The following TBXAS1 variants were observed in gnomAD, a reference collection of about 807,000 sequenced individuals.
TBXAS1 encodes the protein thromboxane A synthase 1.
In TBXAS1, 48 loss-of-function variants were observed where a neutral mutation model predicts 60.7. That is an observed-to-expected ratio of 0.79 (90% CI 0.63 to 1.01). The LOEUF (loss-of-function observed/expected upper bound fraction) is 1.01. Ranked by LOEUF, TBXAS1 falls within the 50% of genes least tolerant of loss-of-function variation. The probability of loss-of-function intolerance (pLI) is 0.00; values close to 1 mark genes in which losing one functional copy is unlikely to be tolerated. For missense variants in TBXAS1, 685 were observed against 686.3 expected (o/e 1.00, Z 0.02); for synonymous variants, 287 against 269.7 (o/e 1.06, Z -0.63).
At position 139,999,110 on chromosome 7, in the gene TBXAS1, C is replaced by G. The variant is rs1375823225; in HGVS notation, c.1135-7981C>G. Among the ~76,000 whole-genome samples, 1 of 152,226 alleles carries G rather than the reference C, an allele frequency of 6.6e-6. No individual in the cohort carries two copies. Among genetic ancestry groups the G allele is most frequent in the Non-Finnish European group, 1.5e-5 (1 of 68,044 alleles). On this transcript the variant is annotated intron_variant, in intron 9 of 12. Transcript: ENST00000448866. This position sits in a 1 kb window ranked among gnomAD's most constrained non-coding sequence, Gnocchi z 4.3. ...CCCCCTCTCATAACCAAACCTCCAT[C>G]GTATCTCCCTGCAAGCCTTGAAACT...
intron 3 of TBXAS1, among the ~76,000 whole-genome samples, chr7:139,785,104 A>G (rs1797145334): frequency 6.6e-6 from 1 of 152,208 alleles, no homozygotes; most frequent in African/African-American, 2.4e-5. Flanking sequence ...TACACAAAGC[A>G]GTTCCATAAC....
At chr7:139,934,892 A>G (rs914508400) in intron 4 of TBXAS1, among the ~76,000 whole-genome samples, 4 of 152,128 alleles carry the variant, frequency 2.6e-5, no homozygotes, top group Admixed American at 2.0e-4. Flanking sequence ...AGCTCACTGC[A>G]ACCTCCGCCT....
rs181307717 is a variant in TBXAS1, at chr7:139,848,209, G to A, written c.89+18730G>A. Among the ~76,000 whole-genome samples the A allele has an allele frequency of 1.2e-3, 189 of 151,850 alleles. No homozygotes were observed. The East Asian group carries it at 0.031, about 25-fold the overall frequency. On this transcript the variant is annotated intron_variant, in intron 1 of 12. Coordinates refer to ENST00000448866, the MANE Select transcript of TBXAS1 (RefSeq NM_001061.7). ...TATGTTGCCCAGGCTGGTCTTAAACGCCTGAGGTCAAATGATCCTCCCACC... is the reference window on the plus strand; with the variant it reads ...TATGTTGCCCAGGCTGGTCTTAAACACCTGAGGTCAAATGATCCTCCCACC...
intron 1 of TBXAS1, among the ~76,000 whole-genome samples, chr7:139,871,072 TAAAG>T (rs1801789259): frequency 1.3e-5 from 2 of 152,046 alleles, no homozygotes. Flanking sequence ...CAGAAATAAA[TAAAG>T]AAATAAATAG....
intron 5 of TBXAS1, chr7:139,952,438 T>C: frequency 3.1e-6 from 4 of 1,285,642 alleles, no homozygotes; most frequent in Non-Finnish European, 4.1e-6. Flanking sequence ...ATAGGTTACA[T>C]TTTATGTCTT....
chr7:139,865,441 C>G (rs562382631), intron 1 of TBXAS1, among the ~76,000 whole-genome samples: 35 of 152,122 alleles, frequency 2.3e-4, no homozygotes, highest in African/African-American at 8.2e-4. Flanking sequence ...CTCTTCACAC[C>G]CAGATATGTG....
chr7:139,841,199 C>T (rs192855927), intron 1 of TBXAS1, among the ~76,000 whole-genome samples: 53 of 152,338 alleles, frequency 3.5e-4, no homozygotes, highest in Non-Finnish European at 5.7e-4. Flanking sequence ...CCGGCCTGGC[C>T]TCTAGGCCTT....
intron 3 of TBXAS1, among the ~76,000 whole-genome samples, chr7:139,907,073 G>A (rs1347133340): frequency 1.3e-5 from 2 of 152,062 alleles, no homozygotes; most frequent in African/African-American, 2.4e-5. Flanking sequence ...CCAATACTAT[G>A]TCAAACAAGA....
intron 1 of TBXAS1, 47 bp downstream of exon 1, chr7:139,829,526 C>T: frequency 6.4e-7 from 1 of 1,569,892 alleles, no homozygotes; most frequent in Non-Finnish European, 8.7e-7. Flanking sequence ...AGCCGTCTCA[C>T]CCTGGAGCCT....
At chr7:139,928,512 C>T (rs1198120636) in intron 4 of TBXAS1, among the ~76,000 whole-genome samples, 5 of 152,186 alleles carry the variant, frequency 3.3e-5, no homozygotes, top group Admixed American at 3.3e-4. Flanking sequence ...AATCGTGACT[C>T]TGTGCACATT....
At chr7:139,990,954 A>G (rs1221726217) in intron 9 of TBXAS1, among the ~76,000 whole-genome samples, 3 of 152,164 alleles carry the variant, frequency 2.0e-5, no homozygotes, top group Non-Finnish European at 4.4e-5. Flanking sequence ...CAGAGGCAGC[A>G]GGACATTGCA....
chr7:139,893,650 A>G (rs1274194894), intron 3 of TBXAS1, among the ~76,000 whole-genome samples: 1 of 152,192 alleles, frequency 6.6e-6, no homozygotes, highest in East Asian at 1.9e-4. Flanking sequence ...CATTTGCACC[A>G]AGAACAGTAA....
At chr7:139,816,033 G>C (rs1798138413) in intron 4 of TBXAS1, among the ~76,000 whole-genome samples, 1 of 152,146 alleles carries the variant, frequency 6.6e-6, no homozygotes, top group Non-Finnish European at 1.5e-5. Context: ...CATCGTGGGA[G>C]CAGTTTCTCC....
At chr7:140,005,075 C>T (rs531831344) in intron 9 of TBXAS1, among the ~76,000 whole-genome samples, 14 of 152,296 alleles carry the variant, frequency 9.2e-5, no homozygotes, top group African/African-American at 2.9e-4. Context: ...GAGAGCTGGT[C>T]GTGGGAGGCA....
intron 3 of TBXAS1, among the ~76,000 whole-genome samples, chr7:139,897,175 GA>G (rs372929256): frequency 6.6e-6 from 1 of 152,066 alleles, no homozygotes; most frequent in African/African-American, 2.4e-5. Flanking sequence ...AGACAGTCAG[GA>G]AAAAAATTAC....
At chr7:139,936,883 G>A (rs1201509096) in intron 5 of TBXAS1, among the ~76,000 whole-genome samples, 1 of 152,178 alleles carries the variant, frequency 6.6e-6, no homozygotes, top group Non-Finnish European at 1.5e-5. Flanking sequence ...ATGTCAGGCA[G>A]GGACACCCAG....
At chr7:139,855,964 AACTG>A (rs1427187971) in intron 1 of TBXAS1, among the ~76,000 whole-genome samples, 1 of 152,230 alleles carries the variant, frequency 6.6e-6, no homozygotes, top group Non-Finnish European at 1.5e-5. Context: ...TTCCTTATTT[AACTG>A]AGGGTTGCTA....
intron 1 of TBXAS1, among the ~76,000 whole-genome samples, chr7:139,846,579 G>A (rs1799819152): frequency 6.6e-6 from 1 of 152,154 alleles, no homozygotes; most frequent in Non-Finnish European, 1.5e-5. Flanking sequence ...TAGACGCTGG[G>A]CAGCTAGATC....
intron 5 of TBXAS1, among the ~76,000 whole-genome samples, chr7:139,952,383 C>T (rs962340096): frequency 6.6e-6 from 1 of 152,186 alleles, no homozygotes; most frequent in African/African-American, 2.4e-5. Context: ...ATCTCTCTGA[C>T]CTCGAGAACT....
Sources: allele counts gnomAD v4.1 joint callset (sites outside exome capture counted in the v4.1 genomes callset), GRCh38; gene constraint gnomAD v4.1.1; non-coding constraint Gnocchi (gnomAD v3.1); transcripts MANE v1.5; gene names NCBI Gene and HGNC (gene_info 2026-07-23, HGNC 2026-07-21).